DDX60: variants seen among roughly 807,000 people sequenced by gnomAD.
DDX60 encodes the protein probable ATP-dependent RNA helicase DDX60.
DDX60 carries 165 observed loss-of-function variants against 212.8 expected under a neutral mutation model. The ratio of observed to expected loss-of-function variants is 0.78; its 90% CI spans 0.68 to 0.88. The LOEUF (loss-of-function observed/expected upper bound fraction) is 0.88. DDX60 is among the 40% of genes least tolerant of loss of function. The pLI is 0.00. For synonymous variants in DDX60, 703 were observed against 685.3 expected, an observed-to-expected ratio of 1.03 and a Z score of -0.40; for missense variants, 1,905 against 2,003.9, an observed-to-expected ratio of 0.95 and a Z score of 0.94.
intron 5 of DDX60, among the ~76,000 whole-genome samples, chr4:168,304,194 A>C (rs557814026): frequency 2.0e-5 from 3 of 152,186 alleles, no homozygotes; most frequent in African/African-American, 7.2e-5. Context: ...AGAAGAAGGC[A>C]TTGTTATCAT....
chr4:168,248,168 G>A lies in DDX60; in HGVS notation c.3963+20C>T. The A allele has an allele frequency of 3.9e-6, 6 of 1,541,744 alleles. No individual in the cohort carries two copies. The highest frequency in any genetic ancestry group is 2.3e-5 in the East Asian group (1 of 43,484). On this transcript the variant is annotated intron_variant, in intron 29 of 37. Transcript: ENST00000393743. The stretch of plus-strand genomic sequence containing the variant: ...CATATTTCAGCAATACAATAAGCAA[G>A]TTTATGCATTTTGCAATACCTGTCT...
intron 4 of DDX60, 59 bp from the exon 5 acceptor site, chr4:168,306,779 G>A: frequency 7.7e-7 from 1 of 1,299,256 alleles, no homozygotes; most frequent in South Asian, 1.4e-5. Context: ...TCATTTAGTT[G>A]GCTAACACAT....
At chr4:168,261,507 T>C (rs1380481628) in intron 24 of DDX60, among the ~76,000 whole-genome samples, 2 of 152,300 alleles carry the variant, frequency 1.3e-5, no homozygotes, top group East Asian at 3.9e-4. Flanking sequence ...TAAATCAAAT[T>C]TCAAAATATG....
intron 25 of DDX60, among the ~76,000 whole-genome samples, chr4:168,257,347 T>C (rs752381523): frequency 2.0e-5 from 3 of 152,168 alleles, no homozygotes; most frequent in Non-Finnish European, 4.4e-5. Context: ...TGTCAGGCAT[T>C]ATTCTCAGTG....
At chr4:168,300,488 C>T (rs561354088) in intron 6 of DDX60, among the ~76,000 whole-genome samples, 6 of 151,536 alleles carry the variant, frequency 4.0e-5, no homozygotes, top group Non-Finnish European at 7.4e-5. Context: ...TGCAATGAGC[C>T]GAGATCATGC....
intron 30 of DDX60, among the ~76,000 whole-genome samples, chr4:168,245,576 T>TA (rs1229842821): frequency 6.6e-6 from 1 of 152,282 alleles, no homozygotes; most frequent in East Asian, 1.9e-4. Context: ...ATTTTGGTCT[T>TA]AAAAATGATG....
chr4:168,311,477 A>T (rs1331466395), intron 1 of DDX60, 112 bp from the exon 2 acceptor site: 1 of 505,662 alleles, frequency 2.0e-6, no homozygotes, highest in Non-Finnish European at 3.5e-6. Context: ...ACAAATCAAC[A>T]TTGCTGACAG....
intron 6 of DDX60, among the ~76,000 whole-genome samples, chr4:168,294,291 T>C (rs1327339583): frequency 2.0e-5 from 3 of 152,018 alleles, no homozygotes; most frequent in Non-Finnish European, 4.4e-5. Context: ...ATACAAGACT[T>C]GAAAGTGTAA....
At chr4:168,302,239 G>C (rs1736676515) in intron 6 of DDX60, 61 bp downstream of exon 6, 1 of 795,420 alleles carries the variant, frequency 1.3e-6, no homozygotes, top group Non-Finnish European at 1.9e-6. Context: ...TATGATTTTT[G>C]CAACTTTTCT....
chr4:168,286,764 T>A (rs1166363158), intron 10 of DDX60, among the ~76,000 whole-genome samples: 3 of 152,130 alleles, frequency 2.0e-5, no homozygotes, highest in African/African-American at 7.2e-5. Flanking sequence ...ACAAAGAGAT[T>A]TTTCTGTGGA....
At chr4:168,325,116 C>T in the DDX60 span, among the ~76,000 whole-genome samples, 1 of 152,174 alleles carries the variant, frequency 6.6e-6, no homozygotes, top group East Asian at 1.9e-4. Flanking sequence ...CTTAAAGGGG[C>T]CCACAGCATT....
At chr4:168,263,101 A>C (rs1734692134) in intron 22 of DDX60, among the ~76,000 whole-genome samples, 1 of 152,258 alleles carries the variant, frequency 6.6e-6, no homozygotes, top group Non-Finnish European at 1.5e-5. Context: ...GACTCAGTTT[A>C]GACAATACAT....
rs140612111 is a variant in DDX60 at position 168,226,981 on chromosome 4, A to T, written c.4534-1305T>A. ...TCAGCCTCCGAAACTGTGACAAGTA[A>T]ATTTCTGTTGTTTATTAGCCAGCCA... On this transcript the variant is annotated intron_variant, in intron 33 of 37. Transcript: ENST00000393743. Among the ~76,000 whole-genome samples the T allele has an allele frequency of 3.3e-3, 499 of 152,188 alleles. 8 individuals are homozygous for T. The highest frequency in any genetic ancestry group is 2.3e-3 in the East Asian group (12 of 5,168).
chr4:168,293,621 C>T (rs1736208805), intron 7 of DDX60, among the ~76,000 whole-genome samples, 166 bp downstream of exon 7: 1 of 152,054 alleles, frequency 6.6e-6, no homozygotes, highest in Non-Finnish European at 1.5e-5. Context: ...TTTAATGGCA[C>T]AATAAGTGTT....
chr4:168,294,839 T>C (rs1047313495), intron 6 of DDX60, among the ~76,000 whole-genome samples: 1 of 151,952 alleles, frequency 6.6e-6, no homozygotes, highest in African/African-American at 2.4e-5. Flanking sequence ...ATCTAAAGTA[T>C]AGAAACAACT....
intron 4 of DDX60, 119 bp from the exon 5 acceptor site, chr4:168,306,839 G>A: frequency 1.3e-6 from 1 of 749,490 alleles, no homozygotes; most frequent in Admixed American, 2.7e-5. Context: ...TCTGTCTGAT[G>A]GTCGGGGAAT....
rs749171590 is a variant in DDX60 at position 168,302,318 on chromosome 4, C to T, written c.705G>A (p.Trp235Ter). The stretch of plus-strand genomic sequence containing the variant: ...TTGTTACCTCTTCCGTAATATTATT[C>T]CATTTTAAACTTCCAAAAAGAGGTG... The part of the protein sequence containing the change: ...ALAPLFGSLK[W>*]NNITEEAHKT... Residue 235 changes from tryptophan (W) to a stop codon, truncating the protein, a stop_gained, in exon 6 of 38, where the codon TGG becomes TGA. Transcript: ENST00000393743. LOFTEE classifies it high-confidence loss of function. The T allele has an allele frequency of 6.5e-7, 1 of 1,540,840 alleles. No homozygotes were observed. The highest frequency in any genetic ancestry group is 1.9e-5 in the Admixed American group (1 of 52,120).
rs180990406 is a variant in DDX60 at position 168,274,942 on chromosome 4, T to C, written c.2304+403A>G. Among the ~76,000 whole-genome samples the C allele has an allele frequency of 5.6e-3, 858 of 152,316 alleles. 8 individuals carry two copies. The highest frequency in any genetic ancestry group is 0.02 in the African/African-American group (814 of 41,560). On this transcript the variant is annotated intron_variant, in intron 16 of 37. Coordinates refer to ENST00000393743, the MANE Select transcript of DDX60 (RefSeq NM_017631.6). ...TTATATACATTTTTAGAATAGCTACTATGGTGACAGATGCAATGTGTAAAT... is the reference window on the plus strand; with the variant it reads ...TTATATACATTTTTAGAATAGCTACCATGGTGACAGATGCAATGTGTAAAT...
chr4:168,273,886 T>C, intron 17 of DDX60, 48 bp downstream of exon 17: 5 of 1,560,036 alleles, frequency 3.2e-6, no homozygotes, highest in Non-Finnish European at 4.3e-6. Flanking sequence ...TATTTTTAAA[T>C]AGTAGGTTCA....
Sources: gnomAD v4.1 joint callset for allele counts (sites outside exome capture counted in the v4.1 genomes callset) on GRCh38, gnomAD v4.1.1 for gene constraint, MANE v1.5 for transcripts, NCBI Gene and HGNC (gene_info 2026-07-23, HGNC 2026-07-21) for gene names.